The following RBPJL variants were observed in gnomAD, a reference collection of about 807,000 sequenced individuals.
RBPJL encodes the protein recombination signal binding protein for immunoglobulin kappa J region like, also known as recombining binding protein suppressor of hairless-like protein.
A neutral mutation model predicts 57.6 loss-of-function variants in RBPJL; 50 were observed. That is an observed-to-expected ratio of 0.87 (90% confidence interval 0.69 to 1.10). The LOEUF is 1.10. Ranked by LOEUF, RBPJL falls within the 50% of genes least tolerant of loss-of-function variation. RBPJL has a pLI of 0.00. For synonymous variants in RBPJL, 303 were observed against 294.4 expected (o/e 1.03, Z -0.30); for missense variants, 684 against 693.7 (o/e 0.99, Z 0.16).
chr20:45,312,480 G>T, intron 6 of RBPJL, 85 bp downstream of exon 6: 1 of 1,384,768 alleles, frequency 7.2e-7, no homozygotes, highest in Non-Finnish European at 9.8e-7. Flanking sequence ...CGGAGGTGGG[G>T]GTAGGCTGGG....
chr20:45,310,186 G>C (rs941229239), intron 3 of RBPJL, among the ~76,000 whole-genome samples: 7 of 152,226 alleles, frequency 4.6e-5, no homozygotes, highest in Admixed American at 4.6e-4. Context: ...ACTGAAGGCA[G>C]GGGGGACATT....
intron 6 of RBPJL, 133 bp downstream of exon 6, chr20:45,312,528 A>G (rs1206366506): frequency 1.1e-6 from 1 of 875,888 alleles, no homozygotes; most frequent in Non-Finnish European, 1.7e-6. Context: ...GTCGGAGCCG[A>G]GAGGGGAAGG....
intron 3 of RBPJL, among the ~76,000 whole-genome samples, 172 bp downstream of exon 3, chr20:45,309,864 A>G (rs567224231): frequency 1.1e-4 from 17 of 152,222 alleles, no homozygotes; most frequent in Non-Finnish European, 2.1e-4. Context: ...ACTTTGGTCT[A>G]TAGTTCTACA....
chr20:45,313,750 A>AG, intron 7 of RBPJL, 145 bp downstream of exon 7: 1 of 886,504 alleles, frequency 1.1e-6, no homozygotes. Flanking sequence ...AGTCCCAGTG[A>AG]GCTGGTGACT....
At chr20:45,315,147 T>TAA (rs1460449092) in intron 9 of RBPJL, among the ~76,000 whole-genome samples, 1 of 151,906 alleles carries the variant, frequency 6.6e-6, no homozygotes, top group Non-Finnish European at 1.5e-5. Context: ...TCATGATAGG[T>TAA]AATAGAGAGC....
chr20:45,311,945 G>C lies in RBPJL; in HGVS notation c.435G>C (p.Pro145=). Residue 145 remains proline (P), a synonymous_variant, in exon 5 of 12, where the codon CCG becomes CCC. Coordinates refer to ENST00000343694, the MANE Select transcript of RBPJL (RefSeq NM_014276.4). The part of the protein sequence containing the change: ...ETQKLNFEQQ[P]DSREFGCAKT... The stretch of plus-strand genomic sequence containing the variant: ...AGAAGCTGAATTTCGAGCAGCAGCC[G>C]GACTCCAGGGTGAGAGCGCACGGGA... The C allele has an allele frequency of 6.4e-7, 1 of 1,550,732 alleles. No individual in the cohort carries two copies. Among genetic ancestry groups the C allele is most frequent in the Admixed American group, 2.0e-5 (1 of 51,016 alleles).
In RBPJL at chr20:45,311,921, G is replaced by A. The variant is rs1568890551; in HGVS notation, c.411G>A (p.Gln137=). The change falls in exon 5 of 12, where the codon CAG becomes CAA. Residue 137 remains glutamine (Q), a synonymous_variant. Coordinates refer to ENST00000343694, the MANE Select transcript of RBPJL (RefSeq NM_014276.4). ...DSASGSATET[Q]KLNFEQQPDS... ...CGTCCGGCAGCGCCACTGAGACGCA[G>A]AAGCTGAATTTCGAGCAGCAGCCGG... is the stretch of plus-strand genomic sequence containing the variant. The A allele has an allele frequency of 1.3e-6, 2 of 1,551,490 alleles. No homozygotes were observed. The highest frequency in any genetic ancestry group is 2.4e-5 in the East Asian group (1 of 40,932).
In RBPJL at chr20:45,316,360, G is replaced by A. The variant is rs1427326607; in HGVS notation, c.1176+18G>A. 58 of 1,612,626 alleles carry A rather than the reference G, an allele frequency of 3.6e-5. No homozygotes were observed. The highest frequency in any genetic ancestry group is 4.8e-5 in the Non-Finnish European group (57 of 1,179,158). On this transcript the variant is annotated intron_variant, in intron 10 of 11. Coordinates refer to ENST00000343694, the MANE Select transcript of RBPJL (RefSeq NM_014276.4). The stretch of plus-strand genomic sequence containing the variant: ...CCCTAGAGGTGAAGCCGGGCGCTAG[G>A]GGCGTTGGGCAGGGGGACCCTGCCT...
In RBPJL at chr20:45,316,942, C is replaced by G. The variant is rs747059795; in HGVS notation, c.1537C>G (p.Leu513Val). ...GGAGTTCACGCGCACCAACTTCCAC[C>G]TCTTCATCCAGACTTAGGCGCGCCC... ...HQEFTRTNFH[L>V]FIQT is the part of the protein sequence containing the mutation. The change falls in exon 12 of 12, where the codon CTC (leucine) becomes GTC (valine). Residue 513 changes from leucine (L) to valine (V), a missense_variant. Leu to Val is a conservative substitution (Grantham distance 32). Coordinates refer to ENST00000343694, the MANE Select transcript of RBPJL (RefSeq NM_014276.4). 9 of 1,612,364 alleles carry G rather than the reference C, an allele frequency of 5.6e-6. No homozygotes were observed. The highest frequency in any genetic ancestry group is 6.8e-6 in the Non-Finnish European group (8 of 1,178,908).
At chr20:45,308,789 C>G (rs560260952) in intron 2 of RBPJL, among the ~76,000 whole-genome samples, 15 of 152,114 alleles carry the variant, frequency 9.9e-5, no homozygotes, top group African/African-American at 3.1e-4. Context: ...CCCTCCTCTA[C>G]TTGCTCCCTG....
At chr20:45,312,029 C>A in intron 5 of RBPJL, 75 bp downstream of exon 5, 1 of 1,444,198 alleles carries the variant, frequency 6.9e-7, no homozygotes. Context: ...CTCCTTTACT[C>A]CCCTCCGAAA....
rs778630365 is a variant in RBPJL at position 45,314,096 on chromosome 20, C to T, written c.819C>T (p.Ser273=). 6.2e-7 allele frequency: 1 copy of T among 1,614,112 alleles called. No homozygotes were observed. Among genetic ancestry groups the T allele is most frequent in the South Asian group, 1.1e-5 (1 of 91,088 alleles). Residue 273 remains serine, a synonymous_variant, in exon 8 of 12, where the codon TCC becomes TCT. Coordinates refer to ENST00000343694, the MANE Select transcript of RBPJL (RefSeq NM_014276.4). ...PPREGYVRYG[S]LVQLVCTVTG... ...GAGAGGGCTACGTTCGCTATGGCTC[C>T]CTGGTGCAGCTCGTCTGCACGGTCA...
rs75892453 is a variant in RBPJL, at chr20:45,307,147, C to T, written c.22+203C>T. 4.5e-3 allele frequency among the ~76,000 whole-genome samples: 686 copies of T among 152,250 alleles called. 3 individuals are homozygous for T. Among genetic ancestry groups the T allele is most frequent in the African/African-American group, 0.015 (632 of 41,540 alleles). ...CCCCTGGCGCCTAGAATTCACTAAA[C>T]CTCATTTCCTTCCAGCTCCTACCCC... On this transcript the variant is annotated intron_variant, in intron 1 of 11. Transcript: ENST00000343694.
intron 10 of RBPJL, 33 bp downstream of exon 10, chr20:45,316,375 G>A: frequency 1.2e-6 from 2 of 1,610,612 alleles, no homozygotes; most frequent in Non-Finnish European, 1.7e-6. Flanking sequence ...TTGGGCAGGG[G>A]GACCCTGCCT....
intron 8 of RBPJL, 66 bp downstream of exon 8, chr20:45,314,210 G>A (rs1987342201): frequency 6.3e-6 from 9 of 1,437,320 alleles, no homozygotes; most frequent in South Asian, 1.2e-5. Context: ...TGGCACACAC[G>A]GGCAGGGCTG....
chr20:45,311,808 C>T, intron 4 of RBPJL, 31 bp from the exon 5 acceptor site: 1 of 1,537,888 alleles, frequency 6.5e-7, no homozygotes, highest in Non-Finnish European at 8.8e-7. Context: ...CCTCCCGAGT[C>T]CTTGCAGAGC....
intron 1 of RBPJL, 114 bp downstream of exon 1, chr20:45,307,058 C>A: frequency 1.6e-6 from 1 of 631,760 alleles, no homozygotes; most frequent in Middle Eastern, 3.7e-4. Flanking sequence ...AGGAGGCAGC[C>A]CGCCGAACTG....
chr20:45,312,126 C>G, intron 5 of RBPJL, 95 bp from the exon 6 acceptor site: 1 of 1,578,720 alleles, frequency 6.3e-7, no homozygotes, highest in Non-Finnish European at 8.7e-7. Context: ...TTCTGGTCAC[C>G]TCCGACGGGG....
chr20:45,311,341 A>G (rs2743326), intron 3 of RBPJL, among the ~76,000 whole-genome samples: 78,445 of 151,764 alleles, frequency 0.52, 21,253 homozygotes, highest in African/African-American at 0.65. Context: ...GAGGTGGTAA[A>G]AAGCCAGTGG....
Sources: gnomAD v4.1 joint callset for allele counts (sites outside exome capture counted in the v4.1 genomes callset) on GRCh38, gnomAD v4.1.1 for gene constraint, MANE v1.5 for transcripts, NCBI Gene and HGNC (gene_info 2026-07-23, HGNC 2026-07-21) for gene names.